CPNE8: variants seen among roughly 807,000 people sequenced by gnomAD.
The protein encoded by CPNE8 is copine 8.
In CPNE8, 45 loss-of-function variants were observed where a neutral mutation model predicts 81.5. The ratio of observed to expected loss-of-function variants is 0.55; its 90% CI spans 0.44 to 0.71. CPNE8 has a LOEUF of 0.71. Among genes scored for constraint, CPNE8 ranks in the 30% least tolerant of loss-of-function variants. The pLI, the probability that CPNE8 is intolerant of heterozygous loss-of-function variation, is 0.00. For synonymous variants in CPNE8, 252 were observed against 226.3 expected, an observed-to-expected ratio of 1.11 and a Z score of -1.02; for missense variants, 594 against 672.1, an observed-to-expected ratio of 0.88 and a Z score of 1.28.
intron 6 of CPNE8, among the ~76,000 whole-genome samples, chr12:38,815,630 T>A (rs923261303): frequency 5.3e-5 from 8 of 152,212 alleles, no homozygotes; most frequent in Admixed American, 5.2e-4. Flanking sequence ...ACTGTTAAAA[T>A]ACATCATATG....
intron 3 of CPNE8, among the ~76,000 whole-genome samples, chr12:38,857,043 G>GT (rs1423628016): frequency 2.0e-5 from 3 of 151,668 alleles, no homozygotes; most frequent in Admixed American, 6.6e-5. Context: ...TAATAGAGAT[G>GT]TTTACCTTAA....
Position 38,809,252 on chromosome 12 carries a change from C to G in CPNE8, c.407+20127G>C, listed in dbSNP as rs1009805411. Among the ~76,000 whole-genome samples the G allele has an allele frequency of 5.9e-5, 9 of 152,166 alleles. 1 individual carries two copies. On this transcript the variant is annotated intron_variant, in intron 6 of 19. Coordinates refer to ENST00000331366, the MANE Select transcript of CPNE8 (RefSeq NM_153634.3). Reference sequence around the variant, plus strand: ...ATCAAGGTGTCGGCCAGCTTGTGTTCTTATCTGGAGGCTCAGGTTGATAGC... The same window carrying G: ...ATCAAGGTGTCGGCCAGCTTGTGTTGTTATCTGGAGGCTCAGGTTGATAGC...
chr12:38,806,757 A>G (rs1213994451), intron 6 of CPNE8, among the ~76,000 whole-genome samples: 1 of 146,278 alleles, frequency 6.8e-6, no homozygotes, highest in East Asian at 2.5e-4. Context: ...GGCCAGGGCA[A>G]TTAGGCAGGA....
At chr12:38,689,355 T>C (rs1033384244) in intron 15 of CPNE8, among the ~76,000 whole-genome samples, 1 of 152,194 alleles carries the variant, frequency 6.6e-6, no homozygotes, top group East Asian at 1.9e-4. Context: ...AGGGTGTGGA[T>C]TCATCTCCAT....
chr12:38,698,441 C>T (rs1315430201), intron 14 of CPNE8, among the ~76,000 whole-genome samples: 1 of 152,108 alleles, frequency 6.6e-6, no homozygotes, highest in Non-Finnish European at 1.5e-5. Flanking sequence ...GTTGTTGTTG[C>T]TCATGAGTTT....
At chr12:38,723,706 G>T in intron 13 of CPNE8, 66 bp downstream of exon 13, 1 of 929,834 alleles carries the variant, frequency 1.1e-6, no homozygotes, top group Non-Finnish European at 1.8e-6. Context: ...GTACCTCGTG[G>T]TAGCGCTTGT....
chr12:38,880,769 C>G (rs1944141022), intron 1 of CPNE8, among the ~76,000 whole-genome samples: 1 of 152,112 alleles, frequency 6.6e-6, no homozygotes. Context: ...TTAATTCTCT[C>G]TGATTCATTC....
At chr12:38,796,859 C>T (rs958403923) in intron 6 of CPNE8, among the ~76,000 whole-genome samples, 49 of 152,222 alleles carry the variant, frequency 3.2e-4, no homozygotes, top group African/African-American at 1.0e-3. Flanking sequence ...TGCGCTTTTC[C>T]GACGGGCTTA....
intron 6 of CPNE8, among the ~76,000 whole-genome samples, chr12:38,779,753 A>C (rs1942007381): frequency 6.6e-6 from 1 of 152,110 alleles, no homozygotes; most frequent in African/African-American, 2.4e-5. Context: ...ATAAACAAGG[A>C]AAAATGCACC....
At chr12:38,658,175 C>T (rs1288231129) in intron 19 of CPNE8, among the ~76,000 whole-genome samples, 1 of 152,046 alleles carries the variant, frequency 6.6e-6, no homozygotes, top group African/African-American at 2.4e-5. Context: ...GAATGACTAA[C>T]TAGAATAAAC....
chr12:38,797,750 C>A (rs546573216), intron 6 of CPNE8, among the ~76,000 whole-genome samples: 2 of 151,980 alleles, frequency 1.3e-5, no homozygotes, highest in African/African-American at 2.4e-5. Flanking sequence ...CAAACTACTC[C>A]GAGCTAAAGG....
rs1943247574 is a variant in CPNE8, at chr12:38,829,272, T to C, written c.407+107A>G. On this transcript the variant is annotated intron_variant, in intron 6 of 19. Coordinates refer to ENST00000331366, the MANE Select transcript of CPNE8 (RefSeq NM_153634.3). ...GTTAAAAGAAAAAACTCAAACAAGA[T>C]TTTAAAACCCACTTTTGCTCCACAA... The C allele has an allele frequency of 4.4e-6, 3 of 689,264 alleles. No homozygotes were observed. The East Asian group carries it at 7.5e-5, about 17-fold the overall frequency. 42.7% of individuals were successfully genotyped at this position (689,264 alleles called of 1,614,324 possible). A position where few individuals can be genotyped will look rare whatever the true frequency, so the allele number is the denominator to read the frequency against.
chr12:38,704,852 A>G (rs1378339185), intron 13 of CPNE8, among the ~76,000 whole-genome samples: 3 of 134,362 alleles, frequency 2.2e-5, no homozygotes, highest in East Asian at 4.2e-4. Context: ...ATATATATAT[A>G]TATATATATA....
intron 13 of CPNE8, among the ~76,000 whole-genome samples, chr12:38,711,479 T>C (rs1940256041): frequency 6.6e-6 from 1 of 152,036 alleles, no homozygotes; most frequent in South Asian, 2.1e-4. Context: ...TTTTTTTTTT[T>C]TTTTTCCAGA....
intron 10 of CPNE8, among the ~76,000 whole-genome samples, chr12:38,753,437 C>T (rs1941393027): frequency 6.6e-6 from 1 of 152,062 alleles, no homozygotes. Context: ...GGGTGACAGA[C>T]AGAGTGAGAC....
chr12:38,673,421 G>A (rs1939222559), intron 18 of CPNE8, among the ~76,000 whole-genome samples: 1 of 152,076 alleles, frequency 6.6e-6, no homozygotes. Flanking sequence ...AGGCTCCTCT[G>A]ATAGGAGAGC....
intron 7 of CPNE8, among the ~76,000 whole-genome samples, chr12:38,774,128 C>T (rs189547414): frequency 5.8e-4 from 89 of 152,236 alleles, no homozygotes; most frequent in Admixed American, 4.5e-3. Context: ...TTTCCCGGCT[C>T]TTCCAACAAG....
At chr12:38,662,244 T>C (rs1226560124) in intron 19 of CPNE8, among the ~76,000 whole-genome samples, 2 of 152,124 alleles carry the variant, frequency 1.3e-5, no homozygotes, top group African/African-American at 2.4e-5. Context: ...CATGATCTTA[T>C]ATATGGAAAA....
intron 3 of CPNE8, among the ~76,000 whole-genome samples, chr12:38,866,716 A>G: frequency 6.6e-6 from 1 of 152,194 alleles, no homozygotes; most frequent in East Asian, 1.9e-4. Flanking sequence ...CTCACATTTA[A>G]TATAAAAATG....
Sources: allele counts gnomAD v4.1 joint callset (sites outside exome capture counted in the v4.1 genomes callset), GRCh38; gene constraint gnomAD v4.1.1; transcripts MANE v1.5; gene names NCBI Gene and HGNC (gene_info 2026-07-23, HGNC 2026-07-21).